The following UBE3A variants were observed in gnomAD, a reference collection of about 807,000 sequenced individuals.
UBE3A encodes the protein ubiquitin protein ligase E3A, also known as ubiquitin-protein ligase E3A.
UBE3A carries 6 observed loss-of-function variants against 83.4 expected under a neutral mutation model. The ratio of observed to expected loss-of-function variants is 0.07; its 90% confidence interval spans 0.04 to 0.14. The LOEUF is 0.14. Ranked by LOEUF, UBE3A falls within the 10% of genes least tolerant of loss-of-function variation. The pLI is 1.00. For missense variants in UBE3A, 456 were observed against 1,036.1 expected, an observed-to-expected ratio of 0.44 and a Z score of 7.69; for synonymous variants, 337 against 355.4, an observed-to-expected ratio of 0.95 and a Z score of 0.58.
At chr15:25,358,261 A>G (rs2077521797) in intron 7 of UBE3A, among the ~76,000 whole-genome samples, 1 of 152,020 alleles carries the variant, frequency 6.6e-6, no homozygotes, top group Admixed American at 6.6e-5. Flanking sequence ...AGTCTCAGCT[A>G]CTTGAGAGGG....
chr15:25,398,696 CAT>C (rs1450714045), intron 4 of UBE3A, among the ~76,000 whole-genome samples: 1 of 147,744 alleles, frequency 6.8e-6, no homozygotes, highest in Non-Finnish European at 1.5e-5. Flanking sequence ...GATGCTGTAT[CAT>C]GGGTATTGCA....
chr15:25,360,437 C>T lies in UBE3A; in HGVS notation c.1699G>A (p.Val567Ile). 6.2e-7 allele frequency: 1 copy of T among 1,613,854 alleles called. No homozygotes were observed. The highest frequency in any genetic ancestry group is 8.5e-7 in the Non-Finnish European group (1 of 1,179,904). The change falls in exon 7 of 13, where the codon GTT becomes ATT. Residue 567 changes from valine to isoleucine, a missense_variant. This residue lies in a region of UBE3A where 58 missense variants were observed against 237.1 expected (regional missense o/e 0.24). Transcript: ENST00000648336. ...ACCAGCTGAAAAAATTCTTTGGAAA[C>T]ACCTCCCTCATCAACTCCTTGTTCT... ...EGEQGVDEGG[V>I]SKEFFQLVVE...
rs150331504 is a variant in UBE3A at position 25,370,770 on chromosome 15, T to C, written c.1404A>G (p.Thr468=). The change falls in exon 6 of 13, where the codon ACA becomes ACG. Residue 468 remains threonine (T), a synonymous_variant. Coordinates refer to ENST00000648336, the MANE Select transcript of UBE3A (RefSeq NM_130839.5). This position sits in a 1 kb window ranked among gnomAD's most constrained non-coding sequence, Gnocchi z 4.2. ...ATGTCATAAAAGAGAATTTGTTCTC[T>C]GTTTCTACTTTGAAAAAAGTATAAT... is the stretch of plus-strand genomic sequence containing the variant. ...DKDYTFFKVE[T]ENKFSFMTCP... 4.2e-4 allele frequency: 682 copies of C among 1,614,156 alleles called. 10 individuals are homozygous for C. The East Asian group carries it at 0.013, about 31-fold the overall frequency.
At chr15:25,347,413 C>A (rs2045615155) in intron 11 of UBE3A, among the ~76,000 whole-genome samples, 1 of 152,068 alleles carries the variant, frequency 6.6e-6, no homozygotes, top group Admixed American at 6.6e-5. Flanking sequence ...ATAAAAAACA[C>A]ATAGAAGGCC....
At chr15:25,399,639 G>T (rs1456362947) in intron 4 of UBE3A, among the ~76,000 whole-genome samples, 1 of 152,090 alleles carries the variant, frequency 6.6e-6, no homozygotes, top group East Asian at 1.9e-4. Context: ...TGCAATCACA[G>T]TTCACTGCCA....
chr15:25,421,656 T>C (rs754325514), intron 1 of UBE3A, among the ~76,000 whole-genome samples: 11 of 152,166 alleles, frequency 7.2e-5, no homozygotes, highest in East Asian at 3.9e-4. Flanking sequence ...TGCAGAATAA[T>C]GTGAATGTAC....
intron 6 of UBE3A, among the ~76,000 whole-genome samples, chr15:25,363,282 AATGTATGAAC>A (rs1204951718): frequency 6.6e-6 from 1 of 152,234 alleles, no homozygotes; most frequent in African/African-American, 2.4e-5. Context: ...GTAATAAATT[AATGTATGAAC>A]TGCTTAGATT....
At chr15:25,422,962 CGGGTG>C (rs772358922) in intron 1 of UBE3A, among the ~76,000 whole-genome samples, 385 of 151,978 alleles carry the variant, frequency 2.5e-3, no homozygotes, top group Non-Finnish European at 4.5e-3. Context: ...TGCTCCAGCC[CGGGTG>C]ACAGAGTGAG....
intron 6 of UBE3A, among the ~76,000 whole-genome samples, chr15:25,369,014 T>C (rs372881206): frequency 6.6e-6 from 1 of 152,232 alleles, no homozygotes; most frequent in African/African-American, 2.4e-5. Flanking sequence ...ACATAAAGTA[T>C]GTAGCTTTGG....
intron 4 of UBE3A, among the ~76,000 whole-genome samples, chr15:25,399,287 T>C (rs1031885951): frequency 1.3e-5 from 2 of 152,158 alleles, no homozygotes; most frequent in Non-Finnish European, 2.9e-5. Flanking sequence ...TCCAAACCAA[T>C]GTCATGTACA....
At chr15:25,433,522 C>G (rs1258562116) in intron 1 of UBE3A, among the ~76,000 whole-genome samples, 1 of 152,126 alleles carries the variant, frequency 6.6e-6, no homozygotes, top group Non-Finnish European at 1.5e-5. Context: ...CAAGAATGAT[C>G]ACGTTTGAAA....
chr15:25,421,629 T>C (rs1889841250), intron 1 of UBE3A, among the ~76,000 whole-genome samples: 1 of 152,104 alleles, frequency 6.6e-6, no homozygotes, highest in African/African-American at 2.4e-5. Context: ...GTTTCAGAGA[T>C]GGATAGTGGT....
chr15:25,366,612 CCTGA>C (rs1363674746), intron 6 of UBE3A, among the ~76,000 whole-genome samples: 2 of 152,144 alleles, frequency 1.3e-5, no homozygotes, highest in South Asian at 2.1e-4. Flanking sequence ...GCTAGAACTC[CCTGA>C]CTAATTGGAA....
chr15:25,406,002 C>G (rs2088442632), intron 3 of UBE3A, among the ~76,000 whole-genome samples: 1 of 152,170 alleles, frequency 6.6e-6, no homozygotes, highest in African/African-American at 2.4e-5. Flanking sequence ...TGCAGCCATA[C>G]TCATTCATTT....
At chr15:25,384,565 AG>A (rs2082768620) in intron 4 of UBE3A, among the ~76,000 whole-genome samples, 1 of 152,154 alleles carries the variant, frequency 6.6e-6, no homozygotes, top group African/African-American at 2.4e-5. Flanking sequence ...TGGAAGATTT[AG>A]TACTGTTAAG....
intron 5 of UBE3A, 89 bp downstream of exon 5, chr15:25,375,376 C>T (rs955293110): frequency 3.4e-5 from 50 of 1,466,272 alleles, no homozygotes; most frequent in Non-Finnish European, 4.5e-5. Context: ...CTTTATGTCA[C>T]AGAAGAAAAA....
At position 25,371,636 on chromosome 15, in the gene UBE3A, C is replaced by A. The variant is rs1324462458; in HGVS notation, c.538G>T (p.Ala180Ser). Residue 180 changes from alanine (A) to serine (S), a missense_variant, in exon 6 of 13, where the codon GCA (alanine) becomes TCA (serine). Physicochemically the swap from Ala to Ser is moderately conservative, Grantham distance 99 (BLOSUM62 1). Around this residue, in one of 13 missense-constraint regions of UBE3A, gnomAD observed 34 missense variants for 79.1 expected, o/e 0.43. Coordinates refer to ENST00000648336, the MANE Select transcript of UBE3A (RefSeq NM_130839.5). This position sits in a 1 kb window ranked among gnomAD's most constrained non-coding sequence, Gnocchi z 5.3. ...TCTTCATCTTTGTCTTCATCTTTTG[C>A]TTGAAGAGATTTCAGTTCTTCCTTG... The part of the protein sequence containing the change: ...HTKEELKSLQ[A>S]KDEDKDEDEK... The A allele has an allele frequency of 6.2e-7, 1 of 1,613,932 alleles. No individual in the cohort carries two copies. Among genetic ancestry groups the A allele is most frequent in the Non-Finnish European group, 8.5e-7 (1 of 1,180,006 alleles).
chr15:25,367,251 AT>A (rs2079411495), intron 6 of UBE3A, among the ~76,000 whole-genome samples: 1 of 80,186 alleles, frequency 1.2e-5, no homozygotes, highest in Admixed American at 1.2e-4. Context: ...AAATATTTGC[AT>A]ATTTGTAAAT....
At chr15:25,387,975 T>A (rs900738993) in intron 4 of UBE3A, among the ~76,000 whole-genome samples, 2 of 152,192 alleles carry the variant, frequency 1.3e-5, no homozygotes, top group Admixed American at 1.3e-4. Context: ...TAATTAATAA[T>A]GTTCTAAAAG....
Sources: gnomAD v4.1 joint callset for allele counts (sites outside exome capture counted in the v4.1 genomes callset) on GRCh38, gnomAD v4.1.1 for gene constraint, gnomAD v4.1.1 regional missense constraint, Gnocchi (gnomAD v3.1) non-coding constraint, MANE v1.5 for transcripts, NCBI Gene and HGNC (gene_info 2026-07-23, HGNC 2026-07-21) for gene names.